GSE1: variants seen among roughly 807,000 people sequenced by gnomAD.
GSE1 encodes the protein genetic suppressor element 1.
GSE1 carries 32 observed loss-of-function variants against 112.6 expected under a neutral mutation model. The observed-to-expected ratio is 0.28, with a 90% CI of 0.21 to 0.38. GSE1 has a LOEUF of 0.38. Ranked by LOEUF, GSE1 falls within the 10% of genes least tolerant of loss-of-function variation. GSE1 has a pLI of 1.00. For missense variants in GSE1, 2,348 were observed against 1,699.2 expected (o/e 1.38, Z -6.71); for synonymous variants, 1,115 against 735.6 (o/e 1.52, Z -8.35).
chr16:85,501,707 A>G (rs1204225601), intron 2 of GSE1, among the ~76,000 whole-genome samples: 2 of 152,164 alleles, frequency 1.3e-5, no homozygotes, highest in East Asian at 3.9e-4. Flanking sequence ...ACTTCAGCAT[A>G]TCTTTTGGAG....
At chr16:85,193,548 C>T (rs1056636095) in intron 1 of GSE1, among the ~76,000 whole-genome samples, 3 of 152,164 alleles carry the variant, frequency 2.0e-5, no homozygotes, top group Non-Finnish European at 4.4e-5. Context: ...CAACCTCCGC[C>T]TCCCGGGTTC....
intron 1 of GSE1, among the ~76,000 whole-genome samples, chr16:85,245,315 A>G (rs1422240342): frequency 6.6e-6 from 1 of 152,226 alleles, no homozygotes; most frequent in Non-Finnish European, 1.5e-5. Context: ...AGTATTCGAG[A>G]GGCACTGAAG....
intron 1 of GSE1, among the ~76,000 whole-genome samples, chr16:85,182,155 C>A (rs12599984): frequency 1.3e-5 from 2 of 152,188 alleles, no homozygotes; most frequent in African/African-American, 4.8e-5. Context: ...AGCCCTCCCC[C>A]ACCCTCCCCG....
At chr16:85,444,802 A>T (rs774514412) in intron 2 of GSE1, among the ~76,000 whole-genome samples, 1 of 152,156 alleles carries the variant, frequency 6.6e-6, no homozygotes, top group Non-Finnish European at 1.5e-5. Context: ...CCCCTGCCCC[A>T]GTCCCTCTCC....
Position 85,672,278 on chromosome 16 carries a change from A to T in GSE1, c.3520-127A>T, listed in dbSNP as rs560241764. The T allele has an allele frequency of 1.4e-5, 10 of 701,954 alleles. No homozygotes were observed. The Admixed American group carries it at 2.3e-4, about 16-fold the overall frequency. 43.5% of individuals were successfully genotyped at this position (701,954 alleles called of 1,614,324 possible). Reference sequence around the variant, plus strand: ...CAAAAGTGCTGGGATTACAGGCGTGAGCCACCACGCCCGGCCGGGACATTT... The same window carrying T: ...CAAAAGTGCTGGGATTACAGGCGTGTGCCACCACGCCCGGCCGGGACATTT... On this transcript the variant is annotated intron_variant, in intron 15 of 15. Coordinates refer to ENST00000253458, the MANE Select transcript of GSE1 (RefSeq NM_014615.5).
chr16:85,420,752 G>C (rs1449437705), intron 2 of GSE1, among the ~76,000 whole-genome samples: 1 of 152,220 alleles, frequency 6.6e-6, no homozygotes, highest in Admixed American at 6.5e-5. Flanking sequence ...GGGGAGCCAA[G>C]GGCAGGTGGC....
At chr16:85,223,295 C>T (rs750493644) in intron 1 of GSE1, among the ~76,000 whole-genome samples, 2 of 152,218 alleles carry the variant, frequency 1.3e-5, no homozygotes, top group East Asian at 1.9e-4. Flanking sequence ...GGCCAAGGCG[C>T]GTGGATCATT....
At chr16:85,228,082 G>C (rs1482274792) in intron 1 of GSE1, among the ~76,000 whole-genome samples, 4 of 152,136 alleles carry the variant, frequency 2.6e-5, no homozygotes, top group African/African-American at 9.7e-5. Context: ...GCTCCCTGGG[G>C]ACGGGTGATC....
chr16:85,353,845 C>CGG lies in GSE1; in HGVS notation c.2284-3615_2284-3614dup, dbSNP rs996141585. 1.3e-4 allele frequency among the ~76,000 whole-genome samples: 20 copies of CGG among 152,206 alleles called. 1 individual carries two copies. The highest frequency in any genetic ancestry group is 3.4e-4 in the African/African-American group (14 of 41,450). On this transcript the variant is annotated intron_variant, in intron 1 of 2. Transcript: ENST00000637419. Reference sequence around the variant, plus strand: ...GCAGAGTTTCCCCTCCTGGCCCCTGCGGGGATGTGTGTTCCAACCTCCTGT... The same window carrying CGG: ...GCAGAGTTTCCCCTCCTGGCCCCTGCGGGGGGATGTGTGTTCCAACCTCCTGT...
intron 2 of GSE1, among the ~76,000 whole-genome samples, chr16:85,645,902 A>G (rs916798141): frequency 1.4e-5 from 2 of 142,214 alleles, no homozygotes; most frequent in African/African-American, 5.4e-5. Context: ...CCATGCTTCT[A>G]CCATGCTTTC....
At chr16:85,293,565 T>G (rs1466388758) in intron 1 of GSE1, among the ~76,000 whole-genome samples, 1 of 152,126 alleles carries the variant, frequency 6.6e-6, no homozygotes, top group African/African-American at 2.4e-5. Flanking sequence ...AAAATTTTTT[T>G]TAAAAAGTAG....
chr16:85,649,340 C>T (rs974388407), intron 3 of GSE1, among the ~76,000 whole-genome samples: 3 of 152,184 alleles, frequency 2.0e-5, no homozygotes, highest in Non-Finnish European at 4.4e-5. Flanking sequence ...GCTGAGCACC[C>T]GGCACACTAG....
chr16:85,584,722 C>A (rs535565716), intron 1 of GSE1, among the ~76,000 whole-genome samples: 1 of 152,238 alleles, frequency 6.6e-6, no homozygotes, highest in African/African-American at 2.4e-5. Context: ...TTGGGCTGAA[C>A]GATAAAATTC....
At chr16:85,629,863 T>C (rs1172746114) in intron 1 of GSE1, among the ~76,000 whole-genome samples, 1 of 152,184 alleles carries the variant, frequency 6.6e-6, no homozygotes, top group East Asian at 1.9e-4. Flanking sequence ...GCTGACCGTA[T>C]CAGTTATCTA....
chr16:85,344,919 G>T (rs532685009), intron 1 of GSE1, among the ~76,000 whole-genome samples: 1 of 152,260 alleles, frequency 6.6e-6, no homozygotes, highest in South Asian at 2.1e-4. Context: ...ACCCGTGGGT[G>T]CTGCTGTAGC....
At chr16:85,447,991 C>T (rs1233698789) in intron 2 of GSE1, among the ~76,000 whole-genome samples, 2 of 152,148 alleles carry the variant, frequency 1.3e-5, no homozygotes, top group African/African-American at 4.8e-5. Flanking sequence ...GACAGGATTG[C>T]AAATCTTAAT....
At chr16:85,190,162 T>A (rs2074792805) in intron 1 of GSE1, among the ~76,000 whole-genome samples, 1 of 152,240 alleles carries the variant, frequency 6.6e-6, no homozygotes, top group Non-Finnish European at 1.5e-5. Context: ...CTAAAGCAAT[T>A]TCTCTCTATC....
intron 1 of GSE1, among the ~76,000 whole-genome samples, chr16:85,186,613 A>T (rs1388711509): frequency 6.6e-6 from 1 of 151,900 alleles, no homozygotes; most frequent in Non-Finnish European, 1.5e-5. Flanking sequence ...AAGAAAAAAA[A>T]AAAAAAAATT....
chr16:85,375,149 C>T (rs1248855760), intron 2 of GSE1, among the ~76,000 whole-genome samples: 2 of 152,156 alleles, frequency 1.3e-5, no homozygotes, highest in African/African-American at 4.8e-5. Context: ...GTGCGAGGCC[C>T]TCAGGACACC....
Sources: gnomAD v4.1 joint callset for allele counts (sites outside exome capture counted in the v4.1 genomes callset) on GRCh38, gnomAD v4.1.1 for gene constraint, MANE v1.5 for transcripts, NCBI Gene and HGNC (gene_info 2026-07-23, HGNC 2026-07-21) for gene names.